FTO: variants seen among roughly 807,000 people sequenced by gnomAD.
FTO encodes the protein FTO alpha-ketoglutarate dependent dioxygenase.
FTO carries 47 observed loss-of-function variants against 63.9 expected under a neutral mutation model. The observed-to-expected ratio is 0.74, with a 90% CI of 0.58 to 0.94. The LOEUF is 0.94. Among genes scored for constraint, FTO ranks in the 40% least tolerant of loss-of-function variants. The pLI is 0.00. For missense variants in FTO, 562 were observed against 618.1 expected (o/e 0.91, Z 0.96); for synonymous variants, 207 against 224.4 (o/e 0.92, Z 0.69).
intron 1 of FTO, among the ~76,000 whole-genome samples, chr16:53,743,421 C>T (rs921355075): frequency 6.6e-5 from 10 of 151,690 alleles, no homozygotes; most frequent in African/African-American, 2.4e-4. Context: ...TTGCAGTTAC[C>T]TTTTCATCCT....
At chr16:53,855,629 GAAA>G (rs1428074860) in intron 4 of FTO, among the ~76,000 whole-genome samples, 1 of 152,120 alleles carries the variant, frequency 6.6e-6, no homozygotes, top group Non-Finnish European at 1.5e-5. Flanking sequence ...CCCTGCCTGG[GAAA>G]GGTTTTGAAA....
chr16:54,011,970 T>C (rs2084344956), intron 8 of FTO, among the ~76,000 whole-genome samples: 1 of 152,140 alleles, frequency 6.6e-6, no homozygotes, highest in African/African-American at 2.4e-5. Context: ...ATTAATAAAG[T>C]TATAGCGTCC....
intron 8 of FTO, among the ~76,000 whole-genome samples, chr16:54,010,503 A>T (rs1257412106): frequency 6.6e-6 from 1 of 152,148 alleles, no homozygotes; most frequent in African/African-American, 2.4e-5. Context: ...ATGGGAAATC[A>T]ATATGGCACC....
chr16:54,105,152 G>C (rs1318046952), intron 8 of FTO, among the ~76,000 whole-genome samples: 2 of 152,134 alleles, frequency 1.3e-5, no homozygotes, highest in East Asian at 3.8e-4. Flanking sequence ...ATTAGAGATA[G>C]TTTATGCCCT....
chr16:54,082,382 A>C (rs1219733319), intron 8 of FTO, among the ~76,000 whole-genome samples: 1 of 152,222 alleles, frequency 6.6e-6, no homozygotes, highest in Admixed American at 6.5e-5. Context: ...AATATGTAGA[A>C]AACATGACCT....
rs1394402207 is a variant in FTO at position 53,988,448 on chromosome 16, T to C, written c.1364+54339T>C. Among the ~76,000 whole-genome samples, 8 of 152,316 alleles carry C rather than the reference T, an allele frequency of 5.3e-5. No individual in the cohort carries two copies. The South Asian group carries it at 1.7e-3, about 32-fold the overall frequency. On this transcript the variant is annotated intron_variant, in intron 8 of 8. Coordinates refer to ENST00000471389, the MANE Select transcript of FTO (RefSeq NM_001080432.3). ...TGCCACATCCAACTTTTAAGGGTTT[T>C]TTTAATCTGTAAGAGGGAACATGGA...
At chr16:54,069,217 C>T (rs192471581) in intron 8 of FTO, among the ~76,000 whole-genome samples, 15 of 152,084 alleles carry the variant, frequency 9.9e-5, no homozygotes, top group African/African-American at 7.3e-5. Flanking sequence ...TTGGCACACT[C>T]GGCCAGACCC....
At chr16:53,800,090 A>G (rs1278729486) in intron 1 of FTO, among the ~76,000 whole-genome samples, 1 of 151,992 alleles carries the variant, frequency 6.6e-6, no homozygotes, top group African/African-American at 2.4e-5. Flanking sequence ...GTGGAAGCTA[A>G]GGTAATTGAT....
chr16:53,925,653 G>T (rs1226597995), intron 7 of FTO, among the ~76,000 whole-genome samples: 1 of 152,110 alleles, frequency 6.6e-6, no homozygotes, highest in African/African-American at 2.4e-5. Flanking sequence ...AAGGATTAAA[G>T]ACTTGTATAG....
intron 1 of FTO, among the ~76,000 whole-genome samples, chr16:53,782,871 G>A (rs911378991): frequency 6.6e-6 from 1 of 152,154 alleles, no homozygotes; most frequent in Admixed American, 6.5e-5. Flanking sequence ...CTCCCAAAAT[G>A]TAAACCCCAT....
rs201338242 is a variant in FTO, at chr16:53,718,648, TCTTA to T, written c.45+14423_45+14426del. Among the ~76,000 whole-genome samples, 1,114 of 152,248 alleles carry T rather than the reference TCTTA, an allele frequency of 7.3e-3. 12 individuals are homozygous for T. The highest frequency in any genetic ancestry group is 0.025 in the African/African-American group (1,044 of 41,536). ...GTAGTTGTTGGCAGTTATCTTTGAT[TCTTA>T]CTTTGTTTTTTTCAGGGACTGAGGT... On this transcript the variant is annotated intron_variant, in intron 1 of 8. Coordinates refer to ENST00000471389, the MANE Select transcript of FTO (RefSeq NM_001080432.3).
intron 8 of FTO, among the ~76,000 whole-genome samples, chr16:53,934,912 G>A (rs2082354990): frequency 6.6e-6 from 1 of 152,176 alleles, no homozygotes; most frequent in Admixed American, 6.5e-5. Context: ...AATGACTCTT[G>A]TTTCAACCTG....
At chr16:54,026,544 C>T (rs572346855) in intron 8 of FTO, among the ~76,000 whole-genome samples, 1 of 152,256 alleles carries the variant, frequency 6.6e-6, no homozygotes, top group African/African-American at 2.4e-5. Flanking sequence ...TTGCTGCTCT[C>T]AACAAAATCA....
At chr16:54,005,102 T>C (rs7199363) in intron 8 of FTO, among the ~76,000 whole-genome samples, 44,932 of 146,538 alleles carry the variant, frequency 0.31, 7,400 homozygotes, top group African/African-American at 0.39. Context: ...AACAAATTCA[T>C]TGGAGTACCT....
intron 8 of FTO, among the ~76,000 whole-genome samples, chr16:54,003,173 C>T (rs2084109288): frequency 6.6e-6 from 1 of 152,200 alleles, no homozygotes; most frequent in Admixed American, 6.5e-5. Context: ...GCAGGAGGGA[C>T]TCTGGGGCTT....
intron 1 of FTO, among the ~76,000 whole-genome samples, chr16:53,759,273 C>T (rs1185432203): frequency 6.6e-6 from 1 of 151,640 alleles, no homozygotes; most frequent in Non-Finnish European, 1.5e-5. Context: ...GAAATTAGCC[C>T]AAAACAAAGC....
chr16:53,877,657 G>A (rs867857219), intron 5 of FTO, among the ~76,000 whole-genome samples: 13 of 151,366 alleles, frequency 8.6e-5, no homozygotes, highest in South Asian at 2.1e-4. Flanking sequence ...GTGACTATAC[G>A]AAACAACATT....
chr16:53,731,983 C>T lies in FTO; in HGVS notation c.45+27754C>T, dbSNP rs1285869012. On this transcript the variant is annotated intron_variant, in intron 1 of 8. Coordinates refer to ENST00000471389, the MANE Select transcript of FTO (RefSeq NM_001080432.3). ...TTAGATAAACCGCCCACCTCGGCCT[C>T]CCAAAGTGCTGGGATTACAGGCGTG... 2.6e-5 allele frequency among the ~76,000 whole-genome samples: 4 copies of T among 151,800 alleles called. No homozygotes were observed. The East Asian group carries it at 7.8e-4, about 29-fold the overall frequency.
chr16:53,979,558 TGTGTGTGTGC>T, intron 8 of FTO: 1 of 394,710 alleles, frequency 2.5e-6, no homozygotes, highest in Non-Finnish European at 4.5e-6. Context: ...TGTGTGTGTG[TGTGTGTGTGC>T]GCGCGTGTGT....
Sources: allele counts gnomAD v4.1 joint callset (sites outside exome capture counted in the v4.1 genomes callset), GRCh38; gene constraint gnomAD v4.1.1; transcripts MANE v1.5; gene names NCBI Gene and HGNC (gene_info 2026-07-23, HGNC 2026-07-21).